Variants in CNTNAP5 observed in about 807,000 individuals in gnomAD.
CNTNAP5 encodes contactin-associated protein-like 5.
A neutral mutation model predicts 150.2 loss-of-function variants in CNTNAP5; 72 were observed. The ratio of observed to expected loss-of-function variants is 0.48; its 90% CI spans 0.40 to 0.58. The LOEUF (loss-of-function observed/expected upper bound fraction) is 0.58. CNTNAP5 is among the 20% of genes least tolerant of loss of function. The pLI, the probability that CNTNAP5 is intolerant of heterozygous loss-of-function variation, is 0.00. For missense variants in CNTNAP5, 1,636 were observed against 1,626.2 expected (o/e 1.01, Z -0.10); for synonymous variants, 672 against 619.8 (o/e 1.08, Z -1.25).
intron 19 of CNTNAP5, among the ~76,000 whole-genome samples, chr2:124,819,820 C>T (rs542413254): frequency 1.3e-5 from 2 of 152,278 alleles, no homozygotes; most frequent in South Asian, 2.1e-4. Context: ...ATCCAGGCCT[C>T]GATGCCATAT....
intron 20 of CNTNAP5, among the ~76,000 whole-genome samples, chr2:124,869,308 C>T (rs1452549799): frequency 2.6e-5 from 4 of 152,128 alleles, no homozygotes; most frequent in Admixed American, 2.6e-4. Context: ...AAATGAGTTC[C>T]TGCTTCCTAT....
intron 13 of CNTNAP5, among the ~76,000 whole-genome samples, chr2:124,674,179 T>C (rs939419435): frequency 6.6e-6 from 1 of 152,208 alleles, no homozygotes; most frequent in Non-Finnish European, 1.5e-5. Context: ...CTTTTAGTCT[T>C]ATTGATTTTT....
At chr2:124,462,183 C>A (rs944428982) in intron 6 of CNTNAP5, among the ~76,000 whole-genome samples, 1 of 151,888 alleles carries the variant, frequency 6.6e-6, no homozygotes, top group Admixed American at 6.6e-5. Context: ...GTCTGTGTGA[C>A]CATTTGACCA....
At chr2:124,554,064 A>G (rs1695695778) in intron 10 of CNTNAP5, among the ~76,000 whole-genome samples, 1 of 152,178 alleles carries the variant, frequency 6.6e-6, no homozygotes, top group Non-Finnish European at 1.5e-5. Context: ...AATTTCTTAA[A>G]ATTTTAAAAT....
At chr2:124,546,852 T>C (rs947050692) in intron 10 of CNTNAP5, among the ~76,000 whole-genome samples, 3 of 152,204 alleles carry the variant, frequency 2.0e-5, no homozygotes, top group Non-Finnish European at 4.4e-5. Flanking sequence ...TGAGCCTCCC[T>C]TTCCTAGAGA....
At chr2:124,265,362 C>T (rs1687578527) in intron 3 of CNTNAP5, among the ~76,000 whole-genome samples, 1 of 152,132 alleles carries the variant, frequency 6.6e-6, no homozygotes, top group Non-Finnish European at 1.5e-5. Context: ...TCTGCACACT[C>T]TAATTATGCT....
intron 21 of CNTNAP5, among the ~76,000 whole-genome samples, chr2:124,883,844 C>T (rs1678020624): frequency 6.6e-6 from 1 of 151,966 alleles, no homozygotes; most frequent in South Asian, 2.1e-4. Flanking sequence ...ATATGTATAT[C>T]TGGATATCTA....
intron 11 of CNTNAP5, among the ~76,000 whole-genome samples, chr2:124,601,865 T>C (rs568670884): frequency 3.3e-5 from 5 of 152,296 alleles, no homozygotes; most frequent in Non-Finnish European, 7.4e-5. Context: ...AAAGCTTGAA[T>C]GGATCTCAAG....
At chr2:124,712,608 CACA>C (rs1558746126) in intron 13 of CNTNAP5, among the ~76,000 whole-genome samples, 3 of 152,138 alleles carry the variant, frequency 2.0e-5, no homozygotes, top group Non-Finnish European at 4.4e-5. Context: ...ATTAATTTCT[CACA>C]GTTTTAGAGG....
chr2:124,603,454 T>C (rs1697031066), intron 11 of CNTNAP5, among the ~76,000 whole-genome samples: 1 of 152,202 alleles, frequency 6.6e-6, no homozygotes. Context: ...ATCCACTGAC[T>C]AAAATATCCC....
At position 124,410,477 on chromosome 2, in the gene CNTNAP5, A is replaced by T. The variant is rs1475044881; in HGVS notation, c.382-6966A>T. ...ATTCCAAAATTGACCACATACTTGG[A>T]AGTAAAGCTCTCCTCAGCAAATGTA... On this transcript the variant is annotated intron_variant, in intron 3 of 23. Coordinates refer to ENST00000682447, the MANE Select transcript of CNTNAP5 (RefSeq NM_001367498.1). Among the ~76,000 whole-genome samples the T allele has an allele frequency of 1.1e-4, 16 of 146,964 alleles. No individual in the cohort carries two copies. The Admixed American group carries it at 1.1e-3, about 10-fold the overall frequency.
chr2:124,675,489 C>T (rs1359392467), intron 13 of CNTNAP5, among the ~76,000 whole-genome samples: 2 of 152,078 alleles, frequency 1.3e-5, no homozygotes, highest in African/African-American at 2.4e-5. Flanking sequence ...TTCCCACTTG[C>T]CATTTTTCTA....
chr2:124,214,162 C>T (rs1686094363), intron 1 of CNTNAP5, among the ~76,000 whole-genome samples: 1 of 152,174 alleles, frequency 6.6e-6, no homozygotes, highest in Non-Finnish European at 1.5e-5. Flanking sequence ...CAGAAAGCTG[C>T]ACCAGGAGGC....
At chr2:124,408,575 C>A (rs1300389347) in intron 3 of CNTNAP5, among the ~76,000 whole-genome samples, 2 of 151,858 alleles carry the variant, frequency 1.3e-5, no homozygotes, top group African/African-American at 4.8e-5. Flanking sequence ...GGTCCCTGAC[C>A]CCTGACCCCC....
intron 1 of CNTNAP5, among the ~76,000 whole-genome samples, chr2:124,138,146 C>T (rs1052717565): frequency 6.6e-6 from 1 of 152,166 alleles, no homozygotes; most frequent in African/African-American, 2.4e-5. Context: ...CCTCTCCCTC[C>T]TCTCTGTCAG....
chr2:124,394,714 C>A (rs2104752052), intron 3 of CNTNAP5, among the ~76,000 whole-genome samples: 1 of 152,312 alleles, frequency 6.6e-6, no homozygotes, highest in Middle Eastern at 3.4e-3. Context: ...GAGGAAGAAA[C>A]TAAGGCTTAG....
intron 21 of CNTNAP5, among the ~76,000 whole-genome samples, chr2:124,898,820 A>G (rs1678359375): frequency 6.6e-6 from 1 of 151,454 alleles, no homozygotes; most frequent in African/African-American, 2.4e-5. Context: ...TAGGAGGAGT[A>G]AAAGATTTTA....
At chr2:124,690,251 T>C (rs1157145956) in intron 13 of CNTNAP5, among the ~76,000 whole-genome samples, 1 of 152,118 alleles carries the variant, frequency 6.6e-6, no homozygotes, top group Non-Finnish European at 1.5e-5. Flanking sequence ...TTAGATTCAT[T>C]CAGAGTGCAT....
intron 1 of CNTNAP5, among the ~76,000 whole-genome samples, chr2:124,082,616 G>A (rs1015780136): frequency 2.0e-5 from 3 of 152,146 alleles, no homozygotes; most frequent in East Asian, 3.9e-4. Flanking sequence ...TGTGAAAATT[G>A]TGTACAAAGC....
Sources: allele counts gnomAD v4.1 joint callset (sites outside exome capture counted in the v4.1 genomes callset), GRCh38; gene constraint gnomAD v4.1.1; transcripts MANE v1.5; gene names NCBI Gene and HGNC (gene_info 2026-07-23, HGNC 2026-07-21).